CREBBP: variants seen among roughly 807,000 people sequenced by gnomAD.
The protein encoded by CREBBP is CREB binding lysine acetyltransferase.
CREBBP carries 19 observed loss-of-function variants against 265.0 expected under a neutral mutation model. That is an observed-to-expected ratio of 0.07 (90% CI 0.05 to 0.11). CREBBP has a LOEUF of 0.11. Ranked by LOEUF, CREBBP falls within the 10% of genes least tolerant of loss-of-function variation. The pLI is 1.00. For missense variants in CREBBP, 2,525 were observed against 3,219.0 expected (o/e 0.78, Z 5.22); for synonymous variants, 1,457 against 1,223.7 (o/e 1.19, Z -3.98).
At position 3,729,140 on chromosome 16, in the gene CREBBP, C is replaced by T. The variant is rs2151307395; in HGVS notation, c.5907G>A (p.Gln1969=). The T allele has an allele frequency of 6.4e-7, 1 of 1,555,230 alleles. No individual in the cohort carries two copies. Among genetic ancestry groups the T allele is most frequent in the Non-Finnish European group, 8.6e-7 (1 of 1,156,760 alleles). ...TGATGTTCACCCGGTACAGGTGCTG[C>T]TGCTGCTGGGCCTCACGCTCGATCT... ...ARQIEREAQQ[Q]QHLYRVNINN... Residue 1969 remains glutamine, a synonymous_variant, in exon 31 of 31, where the codon CAG becomes CAA. Transcript: ENST00000262367.
chr16:3,849,453 GTGTGTGT>G (rs1567360819), intron 2 of CREBBP, among the ~76,000 whole-genome samples: 3 of 71,772 alleles, frequency 4.2e-5, no homozygotes, highest in East Asian at 3.5e-4. Context: ...GTGTGTGTGT[GTGTGTGT>G]GTGTGTGTGT....
At chr16:3,777,436 A>G (rs946498970) in intron 11 of CREBBP, among the ~76,000 whole-genome samples, 177 bp downstream of exon 11, 1 of 152,164 alleles carries the variant, frequency 6.6e-6, no homozygotes, top group Non-Finnish European at 1.5e-5. Context: ...TAATCTCCAA[A>G]CTTCATACTA....
chr16:3,849,477 G>GTGTGA (rs2054777059), intron 2 of CREBBP, among the ~76,000 whole-genome samples: 1 of 121,860 alleles, frequency 8.2e-6, no homozygotes, highest in African/African-American at 3.0e-5. Flanking sequence ...GTGTGTGTGT[G>GTGTGA]TGTGTGTGTG....
intron 1 of CREBBP, among the ~76,000 whole-genome samples, chr16:3,852,035 CAAAAAAAAAAAAAAAAAAAAAAAA>C (rs551018184): frequency 2.2e-3 from 25 of 11,198 alleles, no homozygotes; most frequent in South Asian, 8.3e-3. Context: ...GACTCCATCT[CAAAAAAAAAAAAAAAAAAAAAAAA>C]AAAAAAAAAA....
At chr16:3,773,248 C>A (rs1224951988) in intron 13 of CREBBP, among the ~76,000 whole-genome samples, 1 of 152,146 alleles carries the variant, frequency 6.6e-6, no homozygotes, top group African/African-American at 2.4e-5. Context: ...AAATCAATTT[C>A]TTCAGCTCTA....
At chr16:3,779,121 C>T (rs1198942368) in intron 8 of CREBBP, among the ~76,000 whole-genome samples, 4 of 150,412 alleles carry the variant, frequency 2.7e-5, no homozygotes, top group Admixed American at 1.3e-4. Context: ...GAGCTGAGAT[C>T]GTGCCATTGC....
chr16:3,803,056 G>A (rs867073715), intron 3 of CREBBP, among the ~76,000 whole-genome samples: 1 of 151,956 alleles, frequency 6.6e-6, no homozygotes, highest in South Asian at 2.1e-4. Flanking sequence ...GGGAAGAAGC[G>A]ATAATCACCT....
chr16:3,782,786 G>A lies in CREBBP; in HGVS notation c.1471C>T (p.Pro491Ser), dbSNP rs771505672. Residue 491 changes from proline (P) to serine (S), a missense_variant, in exon 6 of 31, where the codon CCC (proline) becomes TCC (serine). By Grantham distance (74) the Pro-to-Ser change is moderately conservative. Around this residue, in one of 19 missense-constraint regions of CREBBP, gnomAD observed 48 missense variants for 70.2 expected, o/e 0.68. Transcript: ENST00000262367. Reference protein sequence around the residue: ...MQRAYAALGLPYMNQPQTQLQ... With the variant: ...MQRAYAALGLSYMNQPQTQLQ... ...TGCGTCTGGGGCTGGTTCATGTAGG[G>A]GAGTCCGAGAGCAGCATAGGCTCGC... is the stretch of plus-strand genomic sequence containing the variant. 1.9e-6 allele frequency: 3 copies of A among 1,614,166 alleles called. No individual in the cohort carries two copies. Among genetic ancestry groups the A allele is most frequent in the East Asian group, 2.2e-5 (1 of 44,886 alleles).
At chr16:3,827,406 G>A (rs1048623040) in intron 2 of CREBBP, among the ~76,000 whole-genome samples, 2 of 151,926 alleles carry the variant, frequency 1.3e-5, no homozygotes, top group East Asian at 1.9e-4. Context: ...TTGATTGATT[G>A]ACTGAGACAG....
chr16:3,732,745 A>G (rs181190779), intron 28 of CREBBP, among the ~76,000 whole-genome samples: 1 of 151,802 alleles, frequency 6.6e-6, no homozygotes, highest in African/African-American at 2.4e-5. Flanking sequence ...TTGTCACCCA[A>G]GCTGAAGTGC....
intron 21 of CREBBP, among the ~76,000 whole-genome samples, chr16:3,746,937 C>G (rs1237433140): frequency 6.6e-6 from 1 of 152,006 alleles, no homozygotes; most frequent in African/African-American, 2.4e-5. Flanking sequence ...ACAGCAAGAC[C>G]CTGTTTCAAA....
At chr16:3,845,206 T>C (rs1423357116) in intron 2 of CREBBP, among the ~76,000 whole-genome samples, 2 of 152,222 alleles carry the variant, frequency 1.3e-5, no homozygotes, top group Non-Finnish European at 2.9e-5. Context: ...CTAACTCAAT[T>C]GCTCTGTAGT....
At chr16:3,871,608 T>C (rs1414752137) in intron 1 of CREBBP, among the ~76,000 whole-genome samples, 1 of 152,228 alleles carries the variant, frequency 6.6e-6, no homozygotes, top group Non-Finnish European at 1.5e-5. Context: ...CTTCTCTACA[T>C]GTTATCATAC....
rs2051863786 is a variant in CREBBP, at chr16:3,729,860, G to A, written c.5187C>T (p.Cys1729=). Reference sequence around the variant, plus strand: ...GGCTCTTCGTGTTATAGCAGTTGATGCAGAGGTCGTAGTCCTGCAAGCAAG... The same window carrying A: ...GGCTCTTCGTGTTATAGCAGTTGATACAGAGGTCGTAGTCCTGCAAGCAAG... ...HCTVCEDYDL[C]INCYNTKSHA... Residue 1729 remains cysteine, a synonymous_variant, in exon 31 of 31, where the codon TGC becomes TGT. Transcript: ENST00000262367. The A allele has an allele frequency of 6.2e-7, 1 of 1,602,064 alleles. No individual in the cohort carries two copies. The highest frequency in any genetic ancestry group is 2.2e-5 in the East Asian group (1 of 44,874).
intron 3 of CREBBP, among the ~76,000 whole-genome samples, chr16:3,809,468 G>A (rs945799287): frequency 1.6e-4 from 24 of 152,146 alleles, no homozygotes; most frequent in Admixed American, 7.2e-4. Context: ...GAGCCACCAC[G>A]CCCGGCCTCA....
At chr16:3,830,332 G>A (rs1215582923) in intron 2 of CREBBP, among the ~76,000 whole-genome samples, 6 of 152,114 alleles carry the variant, frequency 3.9e-5, no homozygotes, top group Admixed American at 1.3e-4. Context: ...GGGGTGGGGG[G>A]CAGAGGTTGC....
chr16:3,744,242 T>C (rs1450423726), intron 23 of CREBBP, among the ~76,000 whole-genome samples: 1 of 152,114 alleles, frequency 6.6e-6, no homozygotes. Flanking sequence ...CCAGAGGCCA[T>C]GGCTCATACC....
intron 16 of CREBBP, among the ~76,000 whole-genome samples, chr16:3,766,909 A>T (rs749567052): frequency 2.0e-5 from 3 of 152,164 alleles, no homozygotes; most frequent in Non-Finnish European, 4.4e-5. Flanking sequence ...TTCTAAGAGT[A>T]TAAAGAGCCC....
rs140696827 is a variant in CREBBP at position 3,730,243 on chromosome 16, C to T, written c.5173-369G>A. ...AAGCTCACGGACAGTAGACACCAGC[C>T]CCCTTCCTTCCGACTTCCTCTGACC... On this transcript the variant is annotated intron_variant, in intron 30 of 30. Transcript: ENST00000262367. Among the ~76,000 whole-genome samples the T allele has an allele frequency of 3.2e-3, 492 of 152,274 alleles. 1 individual carries two copies. Among genetic ancestry groups the T allele is most frequent in the Admixed American group, 7.5e-3 (114 of 15,292 alleles).
Sources: allele counts gnomAD v4.1 joint callset (sites outside exome capture counted in the v4.1 genomes callset), GRCh38; gene constraint gnomAD v4.1.1; regional missense constraint gnomAD v4.1.1; transcripts MANE v1.5; gene names NCBI Gene and HGNC (gene_info 2026-07-23, HGNC 2026-07-21).